CSMD3: variants seen among roughly 807,000 people sequenced by gnomAD.
The protein encoded by CSMD3 is CUB and Sushi multiple domains 3, also known as CUB and sushi domain-containing protein 3.
A neutral mutation model predicts 435.2 loss-of-function variants in CSMD3; 177 were observed. The ratio of observed to expected loss-of-function variants is 0.41; its 90% CI spans 0.36 to 0.46. The LOEUF (loss-of-function observed/expected upper bound fraction) is 0.46. Ranked by LOEUF, CSMD3 falls within the 20% of genes least tolerant of loss-of-function variation. The pLI, the probability that CSMD3 is intolerant of heterozygous loss-of-function variation, is 0.34. For synonymous variants in CSMD3, 1,656 were observed against 1,520.5 expected, an observed-to-expected ratio of 1.09 and a Z score of -2.07; for missense variants, 4,265 against 4,504.6, an observed-to-expected ratio of 0.95 and a Z score of 1.52.
intron 2 of CSMD3, among the ~76,000 whole-genome samples, chr8:113,292,766 A>G (rs771773971): frequency 6.6e-6 from 1 of 151,878 alleles, no homozygotes; most frequent in East Asian, 1.9e-4. Flanking sequence ...TTGATGCAAA[A>G]GTAATTGAGG....
At chr8:112,603,791 C>CA (rs991155380) in intron 22 of CSMD3, among the ~76,000 whole-genome samples, 1 of 151,716 alleles carries the variant, frequency 6.6e-6, no homozygotes, top group South Asian at 2.1e-4. Context: ...TATATTTATC[C>CA]AAAAAAATTG....
intron 5 of CSMD3, among the ~76,000 whole-genome samples, chr8:113,041,575 T>A (rs1303016355): frequency 6.6e-6 from 1 of 152,148 alleles, no homozygotes; most frequent in African/African-American, 2.4e-5. Context: ...TAAAGGGATT[T>A]GGAATAGCCT....
At chr8:113,194,660 A>C (rs2092630371) in intron 3 of CSMD3, among the ~76,000 whole-genome samples, 1 of 151,100 alleles carries the variant, frequency 6.6e-6, no homozygotes, top group Admixed American at 6.6e-5. Flanking sequence ...AGGAGATGAA[A>C]ACTTTCTGTA....
chr8:113,265,248 A>G lies in CSMD3; in HGVS notation c.514+13344T>C, dbSNP rs561755289. Reference sequence around the variant, plus strand: ...CAAGGCCTGCATAATGTCTGGAAAGATAAGTATGTGAGCCAATAAGTGAAG... The same window carrying G: ...CAAGGCCTGCATAATGTCTGGAAAGGTAAGTATGTGAGCCAATAAGTGAAG... On this transcript the variant is annotated intron_variant, in intron 3 of 70. Coordinates refer to ENST00000297405, the MANE Select transcript of CSMD3 (RefSeq NM_198123.2). Among the ~76,000 whole-genome samples, 12 of 151,672 alleles carry G rather than the reference A, an allele frequency of 7.9e-5. No homozygotes were observed. The East Asian group carries it at 1.5e-3, about 20-fold the overall frequency.
At chr8:113,246,043 T>A (rs908610262) in intron 3 of CSMD3, among the ~76,000 whole-genome samples, 1 of 152,026 alleles carries the variant, frequency 6.6e-6, no homozygotes. Flanking sequence ...TTCTCTCTTT[T>A]AGACTTTTGA....
At chr8:112,811,739 C>T (rs1466806104) in intron 12 of CSMD3, among the ~76,000 whole-genome samples, 1 of 152,150 alleles carries the variant, frequency 6.6e-6, no homozygotes, top group Non-Finnish European at 1.5e-5. Flanking sequence ...AACAGAAAAG[C>T]TGTTTCATTT....
chr8:112,506,044 T>C (rs972417052), intron 29 of CSMD3, among the ~76,000 whole-genome samples: 33 of 152,256 alleles, frequency 2.2e-4, no homozygotes, highest in Admixed American at 1.2e-3. Flanking sequence ...ATAGTAATAG[T>C]ACTTAGCTTG....
chr8:112,636,338 G>T (rs1024016006), intron 22 of CSMD3, among the ~76,000 whole-genome samples: 1 of 151,860 alleles, frequency 6.6e-6, no homozygotes, highest in Non-Finnish European at 1.5e-5. Flanking sequence ...TCTTCATTTG[G>T]CACTTTCTCT....
At position 112,292,845 on chromosome 8, in the gene CSMD3, CG is replaced by C. The variant is rs1563748348; in HGVS notation, c.8615-136del. The C allele has an allele frequency of 7.8e-6, 6 of 769,980 alleles. No individual in the cohort carries two copies. In the East Asian group the frequency reaches 1.6e-4, roughly 21 times the overall value. The allele number at this position is 769,980 out of a possible 1,614,324, so 47.7% of individuals were successfully genotyped here. On this transcript the variant is annotated intron_variant, in intron 54 of 70. Coordinates refer to ENST00000297405, the MANE Select transcript of CSMD3 (RefSeq NM_198123.2). ...AGACTACTTTTTATCTGGAAATATA[CG>C]GAAAGTACATTTACTAATGTAGATG...
chr8:112,649,392 A>G (rs2075064457), intron 19 of CSMD3, among the ~76,000 whole-genome samples: 3 of 152,266 alleles, frequency 2.0e-5, no homozygotes, highest in Non-Finnish European at 4.4e-5. Flanking sequence ...CACTGACAGT[A>G]CTTGAAAATT....
intron 45 of CSMD3, among the ~76,000 whole-genome samples, chr8:112,334,379 G>A (rs561108812): frequency 6.6e-6 from 1 of 152,118 alleles, no homozygotes; most frequent in Non-Finnish European, 1.5e-5. Context: ...TGGAATATAA[G>A]CTTTAAGTAT....
intron 5 of CSMD3, among the ~76,000 whole-genome samples, chr8:113,026,085 T>C (rs947567175): frequency 2.0e-5 from 3 of 152,142 alleles, no homozygotes; most frequent in Non-Finnish European, 2.9e-5. Flanking sequence ...TCTGGAGCAA[T>C]GCAGCCATGT....
chr8:112,322,245 C>T (rs991976347), intron 45 of CSMD3, among the ~76,000 whole-genome samples: 1 of 152,018 alleles, frequency 6.6e-6, no homozygotes, highest in Non-Finnish European at 1.5e-5. Context: ...TGACTATTAT[C>T]ATCTGTGGAA....
At chr8:113,064,556 A>T (rs2088770452) in intron 5 of CSMD3, among the ~76,000 whole-genome samples, 1 of 152,178 alleles carries the variant, frequency 6.6e-6, no homozygotes, top group Non-Finnish European at 1.5e-5. Flanking sequence ...CAAAAACGAA[A>T]ATAATACAGC....
chr8:113,057,616 A>G (rs2088403685), intron 5 of CSMD3, among the ~76,000 whole-genome samples: 1 of 152,056 alleles, frequency 6.6e-6, no homozygotes, highest in Non-Finnish European at 1.5e-5. Flanking sequence ...TTAGCACTCA[A>G]TGATTTCATT....
At chr8:113,419,239 C>T (rs182254245) in intron 1 of CSMD3, among the ~76,000 whole-genome samples, 1 of 151,492 alleles carries the variant, frequency 6.6e-6, no homozygotes, top group African/African-American at 2.4e-5. Context: ...CTGCCTCAGC[C>T]TCTGAGTAGA....
At chr8:112,861,978 C>A (rs1295040299) in intron 10 of CSMD3, among the ~76,000 whole-genome samples, 1 of 151,882 alleles carries the variant, frequency 6.6e-6, no homozygotes, top group Non-Finnish European at 1.5e-5. Context: ...GCTAAAGAAA[C>A]AAATATCCAA....
At chr8:113,025,820 G>A (rs1197347845) in intron 5 of CSMD3, among the ~76,000 whole-genome samples, 1 of 152,172 alleles carries the variant, frequency 6.6e-6, no homozygotes, top group Non-Finnish European at 1.5e-5. Flanking sequence ...TTCCATTGGA[G>A]CAGGGCATAG....
intron 38 of CSMD3, among the ~76,000 whole-genome samples, chr8:112,367,568 A>C: frequency 6.6e-6 from 1 of 152,136 alleles, no homozygotes; most frequent in East Asian, 1.9e-4. Context: ...TTGGCCATAA[A>C]GCTTTTCAAT....
Sources: gnomAD v4.1 joint callset for allele counts (sites outside exome capture counted in the v4.1 genomes callset) on GRCh38, gnomAD v4.1.1 for gene constraint, MANE v1.5 for transcripts, NCBI Gene and HGNC (gene_info 2026-07-23, HGNC 2026-07-21) for gene names.